Variants in CNTN4 observed in about 807,000 individuals in gnomAD.
CNTN4 encodes the protein contactin-4.
A neutral mutation model predicts 122.5 loss-of-function variants in CNTN4; 77 were observed. That is an observed-to-expected ratio of 0.63 (90% CI 0.52 to 0.76). The LOEUF (loss-of-function observed/expected upper bound fraction) is 0.76, where lower values mean the gene tolerates loss of function less well. Among genes scored for constraint, CNTN4 ranks in the 30% least tolerant of loss-of-function variants. The pLI is 0.00. For missense variants in CNTN4, 1,256 were observed against 1,259.1 expected, an observed-to-expected ratio of 1.00 and a Z score of 0.04; for synonymous variants, 512 against 447.0, an observed-to-expected ratio of 1.15 and a Z score of -1.83.
intron 6 of CNTN4, among the ~76,000 whole-genome samples, chr3:2,754,352 A>G (rs1028706726): frequency 6.6e-6 from 1 of 152,222 alleles, no homozygotes; most frequent in East Asian, 1.9e-4. Flanking sequence ...ATACATAAGT[A>G]CTTCCAAATT....
At chr3:2,453,392 A>G (rs1042509781) in intron 3 of CNTN4, among the ~76,000 whole-genome samples, 2 of 152,146 alleles carry the variant, frequency 1.3e-5, no homozygotes, top group African/African-American at 2.4e-5. Flanking sequence ...AGAAGGAAAA[A>G]CAGCGAAAAT....
intron 7 of CNTN4, among the ~76,000 whole-genome samples, chr3:2,834,239 T>C (rs1281629426): frequency 3.3e-5 from 5 of 152,126 alleles, no homozygotes; most frequent in Non-Finnish European, 7.4e-5. Context: ...AAATGGGATA[T>C]GTACCATCTA....
chr3:2,741,198 G>A (rs2089438799), intron 5 of CNTN4, among the ~76,000 whole-genome samples: 1 of 152,222 alleles, frequency 6.6e-6, no homozygotes, highest in Non-Finnish European at 1.5e-5. Context: ...CTGTTAATTT[G>A]AGGACTGCCT....
intron 3 of CNTN4, among the ~76,000 whole-genome samples, chr3:2,484,267 A>G (rs1258588226): frequency 6.6e-6 from 1 of 152,246 alleles, no homozygotes; most frequent in Non-Finnish European, 1.5e-5. Context: ...CATGCTTATT[A>G]GAACAATAAG....
chr3:2,792,425 A>G (rs1036588728), intron 6 of CNTN4, among the ~76,000 whole-genome samples: 2 of 152,232 alleles, frequency 1.3e-5, no homozygotes, highest in Non-Finnish European at 1.5e-5. Context: ...ATTTGCTTGA[A>G]TATTAATGTT....
At chr3:2,869,195 A>G (rs1049298398) in intron 8 of CNTN4, among the ~76,000 whole-genome samples, 2 of 152,172 alleles carry the variant, frequency 1.3e-5, no homozygotes, top group Admixed American at 6.5e-5. Context: ...TATGCAAAAG[A>G]GTGATTTATG....
At chr3:2,741,856 T>C (rs1211913727) in intron 5 of CNTN4, among the ~76,000 whole-genome samples, 1 of 152,246 alleles carries the variant, frequency 6.6e-6, no homozygotes, top group Non-Finnish European at 1.5e-5. Flanking sequence ...GTTTGCCTTG[T>C]TATTTAAAGC....
intron 2 of CNTN4, among the ~76,000 whole-genome samples, chr3:2,189,612 C>A (rs928731690): frequency 6.6e-6 from 1 of 152,048 alleles, no homozygotes; most frequent in African/African-American, 2.4e-5. Context: ...TCCATGTTGT[C>A]CCTGAAAAAC....
At chr3:2,407,185 A>G (rs2151007327) in intron 3 of CNTN4, among the ~76,000 whole-genome samples, 1 of 152,300 alleles carries the variant, frequency 6.6e-6, no homozygotes, top group East Asian at 1.9e-4. Context: ...TAAATGTTTG[A>G]TTAATAAGAT....
At chr3:2,531,325 C>CG (rs1053556459) in intron 3 of CNTN4, among the ~76,000 whole-genome samples, 1 of 152,014 alleles carries the variant, frequency 6.6e-6, no homozygotes, top group Admixed American at 6.6e-5. Context: ...GGCCTGGGTA[C>CG]GGGAGATACA....
chr3:2,616,079 C>T (rs939835710), intron 4 of CNTN4, among the ~76,000 whole-genome samples: 4 of 148,796 alleles, frequency 2.7e-5, no homozygotes, highest in Admixed American at 1.4e-4. Flanking sequence ...CAGTTTGTTA[C>T]ATAGGTATAT....
intron 6 of CNTN4, among the ~76,000 whole-genome samples, chr3:2,770,877 C>A (rs1199811304): frequency 6.6e-6 from 1 of 152,240 alleles, no homozygotes; most frequent in Non-Finnish European, 1.5e-5. Context: ...CAGAAACACA[C>A]ACAATGCATA....
At chr3:2,218,863 A>G (rs2038954295) in intron 2 of CNTN4, among the ~76,000 whole-genome samples, 1 of 152,194 alleles carries the variant, frequency 6.6e-6, no homozygotes, top group Non-Finnish European at 1.5e-5. Context: ...AATTTTGCTT[A>G]TCAGTTAGGA....
chr3:2,848,143 T>C (rs779208398), intron 7 of CNTN4, among the ~76,000 whole-genome samples: 1 of 152,076 alleles, frequency 6.6e-6, no homozygotes, highest in African/African-American at 2.4e-5. Context: ...CCCCAGCTAC[T>C]CAGGAGGGTC....
At chr3:2,943,070 G>T (rs903796759) in intron 13 of CNTN4, among the ~76,000 whole-genome samples, 4 of 152,144 alleles carry the variant, frequency 2.6e-5, no homozygotes, top group Non-Finnish European at 4.4e-5. Flanking sequence ...TCTAGATGAG[G>T]TGTATACTAT....
At chr3:2,209,800 C>T (rs2038528109) in intron 2 of CNTN4, among the ~76,000 whole-genome samples, 2 of 151,996 alleles carry the variant, frequency 1.3e-5, no homozygotes, top group Admixed American at 6.6e-5. Flanking sequence ...TTCCTGTGCT[C>T]CTTCTTTCCT....
intron 4 of CNTN4, among the ~76,000 whole-genome samples, chr3:2,734,047 G>A (rs2088894943): frequency 6.6e-6 from 1 of 152,026 alleles, no homozygotes; most frequent in Non-Finnish European, 1.5e-5. Flanking sequence ...TGTTTTCCCT[G>A]TCTTTGTTTT....
intron 2 of CNTN4, among the ~76,000 whole-genome samples, chr3:2,164,783 G>C (rs1321071798): frequency 6.6e-6 from 1 of 152,094 alleles, no homozygotes; most frequent in East Asian, 1.9e-4. Flanking sequence ...GACACAGTTT[G>C]CTCATGTTTG....
At chr3:2,211,745 C>T (rs551773307) in intron 2 of CNTN4, among the ~76,000 whole-genome samples, 4 of 152,142 alleles carry the variant, frequency 2.6e-5, no homozygotes, top group South Asian at 4.2e-4. Flanking sequence ...CATGGCCAGC[C>T]GTGACGTGAC....
Sources: allele counts gnomAD v4.1 joint callset (sites outside exome capture counted in the v4.1 genomes callset), GRCh38; gene constraint gnomAD v4.1.1; transcripts MANE v1.5; gene names NCBI Gene and HGNC (gene_info 2026-07-23, HGNC 2026-07-21).